The following LRRC7 variants were observed in gnomAD, a reference collection of about 807,000 sequenced individuals.
LRRC7 encodes the protein leucine-rich repeat-containing protein 7.
Under a neutral mutation model 175.7 loss-of-function variants are expected in LRRC7, and 23 were observed. The observed-to-expected ratio is 0.13, with a 90% CI of 0.09 to 0.19. LRRC7 has a LOEUF of 0.19. Ranked by LOEUF, LRRC7 falls within the 10% of genes least tolerant of loss-of-function variation. The probability of loss-of-function intolerance (pLI) is 1.00; values close to 1 mark genes in which losing one functional copy is unlikely to be tolerated. For missense variants in LRRC7, 1,354 were observed against 1,904.7 expected (o/e 0.71, Z 5.38); for synonymous variants, 685 against 680.9 (o/e 1.01, Z -0.09).
In LRRC7 at chr1:70,140,846, CTAAG is replaced by C. The variant is rs935519158; in HGVS notation, c.*18961_*18964del. Among the ~76,000 whole-genome samples, 19 of 152,200 alleles carry C rather than the reference CTAAG, an allele frequency of 1.2e-4. No individual in the cohort carries two copies. The highest frequency in any genetic ancestry group is 2.1e-4 in the South Asian group (1 of 4,822). On this transcript the variant is annotated 3_prime_UTR_variant, in exon 27 of 27. Coordinates refer to ENST00000651989, the MANE Select transcript of LRRC7 (RefSeq NM_001370785.2). ...TGGTTCAGATGGCTTTCCCTTCTCC[CTAAG>C]TGTCAGTGACTTAACTGACATAAAT... is the stretch of plus-strand genomic sequence containing the variant.
At chr1:69,819,573 CTCTCTGTGTG>C (rs1679008766) in intron 4 of LRRC7, among the ~76,000 whole-genome samples, 2 of 128,110 alleles carry the variant, frequency 1.6e-5, no homozygotes, top group African/African-American at 7.2e-5. Flanking sequence ...CTCTCTCTCT[CTCTCTGTGTG>C]TGTGTGTGTG....
chr1:69,599,526 C>A (rs1001134958), intron 1 of LRRC7, among the ~76,000 whole-genome samples: 3 of 152,186 alleles, frequency 2.0e-5, no homozygotes, highest in African/African-American at 7.2e-5. Flanking sequence ...ATAATAAGAT[C>A]TCTGATTATA....
At chr1:69,878,094 A>G (rs928348414) in intron 7 of LRRC7, among the ~76,000 whole-genome samples, 6 of 152,246 alleles carry the variant, frequency 3.9e-5, no homozygotes, top group African/African-American at 7.2e-5. Flanking sequence ...TTTTAATAAA[A>G]TTTGCTGAAG....
intron 1 of LRRC7, among the ~76,000 whole-genome samples, chr1:69,673,001 A>G (rs1360165467): frequency 6.6e-6 from 1 of 152,158 alleles, no homozygotes; most frequent in South Asian, 2.1e-4. Context: ...CTCAGGCCCT[A>G]CATATCTGTG....
At chr1:69,730,439 C>T (rs1425519836) in intron 2 of LRRC7, among the ~76,000 whole-genome samples, 2 of 152,086 alleles carry the variant, frequency 1.3e-5, no homozygotes, top group African/African-American at 4.8e-5. Flanking sequence ...TTCAAAGTTC[C>T]ACAGATCTCA....
In LRRC7 at chr1:69,991,838, T is replaced by G. The variant is rs114213373; in HGVS notation, c.932-2723T>G. On this transcript the variant is annotated intron_variant, in intron 10 of 26. Coordinates refer to ENST00000651989, the MANE Select transcript of LRRC7 (RefSeq NM_001370785.2). ...ATACTCAACAACAAGCCCCGTGTGC[T>G]GAGTCACTTTCCCTGTGCTGGTTCC... is the stretch of plus-strand genomic sequence containing the variant. Among the ~76,000 whole-genome samples, 476 of 152,284 alleles carry G rather than the reference T, an allele frequency of 3.1e-3. 3 individuals carry two copies. Among genetic ancestry groups the G allele is most frequent in the African/African-American group, 0.01 (428 of 41,578 alleles).
chr1:70,009,097 A>T (rs72676880), intron 11 of LRRC7, among the ~76,000 whole-genome samples: 2,495 of 152,228 alleles, frequency 0.016, 33 homozygotes, highest in Non-Finnish European at 0.024. Flanking sequence ...ACTTCAATAC[A>T]TGTTTTTATT....
intron 18 of LRRC7, among the ~76,000 whole-genome samples, chr1:70,032,201 T>C (rs1658819979): frequency 6.6e-6 from 1 of 152,202 alleles, no homozygotes; most frequent in Non-Finnish European, 1.5e-5. Context: ...TTGCTTTGTT[T>C]CCCTCAAACA....
intron 3 of LRRC7, among the ~76,000 whole-genome samples, chr1:69,779,486 AATT>A (rs750194964): frequency 1.3e-4 from 20 of 152,202 alleles, no homozygotes; most frequent in Non-Finnish European, 2.2e-4. Flanking sequence ...TTTTAATGCA[AATT>A]ATTATTGAAT....
chr1:69,994,415 C>A, intron 10 of LRRC7, 146 bp from the exon 11 acceptor site: 3 of 644,230 alleles, frequency 4.7e-6, no homozygotes, highest in South Asian at 1.8e-5. Flanking sequence ...TACACACAAA[C>A]GTCAGTTTTA....
At chr1:69,781,254 G>A (rs567502140) in intron 3 of LRRC7, among the ~76,000 whole-genome samples, 1 of 152,064 alleles carries the variant, frequency 6.6e-6, no homozygotes, top group Non-Finnish European at 1.5e-5. Flanking sequence ...TGCGGCCTTT[G>A]TGAGGGCTCA....
intron 23 of LRRC7, among the ~76,000 whole-genome samples, chr1:70,054,654 C>T (rs1466590213): frequency 1.6e-5 from 2 of 126,924 alleles, no homozygotes; most frequent in African/African-American, 3.2e-5. Context: ...CGCAGTGGCG[C>T]GATCTCTGCT....
chr1:70,048,457 C>A (rs979681224), intron 22 of LRRC7, among the ~76,000 whole-genome samples: 5 of 152,074 alleles, frequency 3.3e-5, no homozygotes, highest in Non-Finnish European at 7.4e-5. Context: ...GAATTTAAAT[C>A]TGCTTCTGCC....
chr1:69,675,218 A>G (rs1659605306), intron 1 of LRRC7, among the ~76,000 whole-genome samples: 2 of 152,170 alleles, frequency 1.3e-5, no homozygotes, highest in Admixed American at 6.5e-5. Context: ...CAACCTCTGA[A>G]CACCATGATT....
At chr1:70,032,975 G>A (rs938432905) in intron 18 of LRRC7, among the ~76,000 whole-genome samples, 1 of 152,106 alleles carries the variant, frequency 6.6e-6, no homozygotes, top group African/African-American at 2.4e-5. Context: ...CTCTGTCATT[G>A]CCCGTAGAAG....
intron 7 of LRRC7, among the ~76,000 whole-genome samples, chr1:69,930,841 G>T (rs974249547): frequency 1.3e-5 from 2 of 151,352 alleles, no homozygotes; most frequent in African/African-American, 4.9e-5. Flanking sequence ...AAAACCTTCA[G>T]ATCTCATGAG....
chr1:69,753,296 A>ATGTGTGTGTGTG (rs35799015), intron 2 of LRRC7, among the ~76,000 whole-genome samples: 2 of 146,236 alleles, frequency 1.4e-5, no homozygotes, highest in African/African-American at 5.2e-5. Context: ...GTGTGTGTGT[A>ATGTGTGTGTGTG]TGTGTGTGTG....
At chr1:69,760,787 A>T (rs1670956857) in intron 3 of LRRC7, among the ~76,000 whole-genome samples, 1 of 152,096 alleles carries the variant, frequency 6.6e-6, no homozygotes, top group Non-Finnish European at 1.5e-5. Flanking sequence ...ACAACCTTGA[A>T]TTGTATGCTG....
At chr1:69,687,761 A>T (rs1223681191) in intron 2 of LRRC7, among the ~76,000 whole-genome samples, 1 of 152,070 alleles carries the variant, frequency 6.6e-6, no homozygotes, top group Non-Finnish European at 1.5e-5. Flanking sequence ...GCAAGAGATA[A>T]CACTTAAAAT....
Sources: gnomAD v4.1 joint callset for allele counts (sites outside exome capture counted in the v4.1 genomes callset) on GRCh38, gnomAD v4.1.1 for gene constraint, MANE v1.5 for transcripts, NCBI Gene and HGNC (gene_info 2026-07-23, HGNC 2026-07-21) for gene names.